LRMDA: variants seen among roughly 807,000 people sequenced by gnomAD.
LRMDA encodes leucine rich melanocyte differentiation associated.
Under a neutral mutation model 29.8 loss-of-function variants are expected in LRMDA, and 18 were observed. The ratio of observed to expected loss-of-function variants is 0.60; its 90% CI spans 0.42 to 0.90. The LOEUF (loss-of-function observed/expected upper bound fraction) is 0.90, where lower values mean the gene tolerates loss of function less well. Among genes scored for constraint, LRMDA ranks in the 40% least tolerant of loss-of-function variants. The probability of loss-of-function intolerance (pLI) is 0.00; values close to 1 mark genes in which losing one functional copy is unlikely to be tolerated. For missense variants in LRMDA, 273 were observed against 273.9 expected, an observed-to-expected ratio of 1.00 and a Z score of 0.02; for synonymous variants, 125 against 109.4, an observed-to-expected ratio of 1.14 and a Z score of -0.89.
At chr10:75,813,125 G>T (rs1171165087) in intron 2 of LRMDA, among the ~76,000 whole-genome samples, 3 of 152,208 alleles carry the variant, frequency 2.0e-5, no homozygotes, top group African/African-American at 7.2e-5. Flanking sequence ...TGTGGATCAT[G>T]TTAGCAGGAT....
At chr10:76,448,712 C>A (rs557202498) in intron 6 of LRMDA, among the ~76,000 whole-genome samples, 1 of 152,020 alleles carries the variant, frequency 6.6e-6, no homozygotes, top group African/African-American at 2.4e-5. Flanking sequence ...TTAATATTTT[C>A]CATTTTTCAT....
At chr10:76,346,646 A>G (rs972126286) in intron 6 of LRMDA, 3 of 152,222 alleles carry the variant, frequency 2.0e-5, no homozygotes, top group Non-Finnish European at 2.9e-5. Flanking sequence ...AATTCTTTAG[A>G]TCCAGGCACT....
intron 5 of LRMDA, among the ~76,000 whole-genome samples, chr10:76,165,676 G>C (rs574896783): frequency 5.3e-5 from 8 of 152,306 alleles, no homozygotes; most frequent in African/African-American, 1.9e-4. Context: ...TCTTCACATG[G>C]CAGCAGGAGA....
chr10:75,726,294 A>G (rs1393739761), intron 2 of LRMDA, among the ~76,000 whole-genome samples: 6 of 152,200 alleles, frequency 3.9e-5, no homozygotes, highest in African/African-American at 1.4e-4. Context: ...ATTGTTTTGC[A>G]GGTCTGGTGT....
At chr10:75,968,697 T>C (rs1173130925) in intron 2 of LRMDA, among the ~76,000 whole-genome samples, 1 of 152,144 alleles carries the variant, frequency 6.6e-6, no homozygotes, top group African/African-American at 2.4e-5. Flanking sequence ...ATTGATGAAG[T>C]GGCTATCATT....
chr10:76,056,025 T>C (rs1182431789), intron 4 of LRMDA, among the ~76,000 whole-genome samples: 1 of 152,178 alleles, frequency 6.6e-6, no homozygotes, highest in Non-Finnish European at 1.5e-5. Context: ...TTGTCCCAGA[T>C]CCAGGAAGAA....
At chr10:76,062,780 T>C (rs1359994068) in intron 5 of LRMDA, among the ~76,000 whole-genome samples, 1 of 151,950 alleles carries the variant, frequency 6.6e-6, no homozygotes, top group Non-Finnish European at 1.5e-5. Flanking sequence ...TTATCAAATA[T>C]TGGCCATTGA....
At chr10:75,642,967 A>G (rs1419901981) in intron 2 of LRMDA, 1 of 152,246 alleles carries the variant, frequency 6.6e-6, no homozygotes, top group African/African-American at 2.4e-5. Context: ...CTGGTCCACA[A>G]GCTTGGACCT....
At position 76,498,265 on chromosome 10, in the gene LRMDA, G is replaced by A. The variant is rs1842890105; in HGVS notation, c.602-58944G>A. Among the ~76,000 whole-genome samples the A allele has an allele frequency of 4.0e-5, 3 of 75,376 alleles. 1 individual carries two copies. 49.4% of individuals were successfully genotyped at this position (75,376 alleles called of 152,430 possible). The stretch of plus-strand genomic sequence containing the variant: ...TTGGGTTCATTACCAGCATTAGCAA[G>A]CCTCAAAGGCCTCTCATAAATCCAA... On this transcript the variant is annotated intron_variant, in intron 6 of 6. Transcript: ENST00000611255.
At chr10:75,434,525 G>A (rs945430261) in intron 1 of LRMDA, among the ~76,000 whole-genome samples, 2 of 152,180 alleles carry the variant, frequency 1.3e-5, no homozygotes, top group East Asian at 1.9e-4. Flanking sequence ...TGGCAGTACC[G>A]GGAATCAGAT....
chr10:76,392,257 C>T lies in LRMDA; in HGVS notation c.601+67772C>T, dbSNP rs555314704. Among the ~76,000 whole-genome samples the T allele has an allele frequency of 1.1e-4, 16 of 152,178 alleles. No homozygotes were observed. In the South Asian group the frequency reaches 2.7e-3, roughly 26 times the overall value. On this transcript the variant is annotated intron_variant, in intron 6 of 6. Transcript: ENST00000611255. ...GAACAGAAAAGACAGAGTTGGAAGG[C>T]TTGTAGGTCAACGTAACAAACTTGT...
At chr10:75,833,833 T>C (rs1229572768) in intron 2 of LRMDA, among the ~76,000 whole-genome samples, 1 of 152,152 alleles carries the variant, frequency 6.6e-6, no homozygotes, top group African/African-American at 2.4e-5. Context: ...TTTATAGACA[T>C]TCCATTTTAA....
chr10:75,621,972 G>T (rs1564524795), intron 2 of LRMDA, among the ~76,000 whole-genome samples: 1 of 152,126 alleles, frequency 6.6e-6, no homozygotes, highest in Non-Finnish European at 1.5e-5. Flanking sequence ...ACTGTGAAGG[G>T]GTTTTAGCCA....
intron 2 of LRMDA, among the ~76,000 whole-genome samples, chr10:75,836,886 G>A (rs1251046306): frequency 6.6e-6 from 1 of 152,072 alleles, no homozygotes; most frequent in East Asian, 1.9e-4. Context: ...TCTCTCAGGT[G>A]CATTATAATG....
At chr10:76,097,134 C>G (rs924000284) in intron 5 of LRMDA, among the ~76,000 whole-genome samples, 1 of 152,088 alleles carries the variant, frequency 6.6e-6, no homozygotes, top group Non-Finnish European at 1.5e-5. Flanking sequence ...CTTCAGCCTC[C>G]TGAGTAGCTG....
intron 2 of LRMDA, among the ~76,000 whole-genome samples, chr10:76,031,772 A>G (rs542576078): frequency 6.6e-6 from 1 of 152,316 alleles, no homozygotes; most frequent in Admixed American, 6.5e-5. Flanking sequence ...GAAGTAGGTA[A>G]AGATCTTTGT....
intron 2 of LRMDA, among the ~76,000 whole-genome samples, chr10:75,978,684 A>G (rs1314003582): frequency 6.6e-6 from 1 of 152,232 alleles, no homozygotes; most frequent in Non-Finnish European, 1.5e-5. Flanking sequence ...TCCCAGGTAC[A>G]TAAAGCAGTA....
intron 2 of LRMDA, among the ~76,000 whole-genome samples, chr10:75,439,813 T>C (rs369380865): frequency 6.6e-6 from 1 of 152,212 alleles, no homozygotes; most frequent in East Asian, 1.9e-4. Context: ...ATGTGTTTTT[T>C]GTTCCAGTAC....
intron 2 of LRMDA, among the ~76,000 whole-genome samples, chr10:75,994,159 T>G (rs78927128): frequency 0.014 from 2,103 of 152,310 alleles, 42 homozygotes; most frequent in African/African-American, 0.046. Context: ...CCAGCAATAT[T>G]TGTATTTTCA....
Sources: allele counts gnomAD v4.1 joint callset (sites outside exome capture counted in the v4.1 genomes callset), GRCh38; gene constraint gnomAD v4.1.1; transcripts MANE v1.5; gene names NCBI Gene and HGNC (gene_info 2026-07-23, HGNC 2026-07-21).